RBFOX3: variants seen among roughly 807,000 people sequenced by gnomAD.
RBFOX3 encodes the protein RNA binding fox-1 homolog 3.
A neutral mutation model predicts 48.7 loss-of-function variants in RBFOX3; 17 were observed. That is an observed-to-expected ratio of 0.35 (90% CI 0.24 to 0.52). The LOEUF (loss-of-function observed/expected upper bound fraction) is 0.52. Ranked by LOEUF, RBFOX3 falls within the 20% of genes least tolerant of loss-of-function variation. The probability of loss-of-function intolerance (pLI) is 0.94; values close to 1 mark genes in which losing one functional copy is unlikely to be tolerated. For synonymous variants in RBFOX3, 212 were observed against 209.5 expected, an observed-to-expected ratio of 1.01 and a Z score of -0.10; for missense variants, 382 against 497.5, an observed-to-expected ratio of 0.77 and a Z score of 2.21.
intron 1 of RBFOX3, among the ~76,000 whole-genome samples, chr17:79,551,918 CTTTAG>C (rs1206392251): frequency 6.6e-6 from 1 of 152,148 alleles, no homozygotes. Flanking sequence ...TCGAGTATTC[CTTTAG>C]AGCAATGCAA....
At chr17:79,522,085 G>A (rs1310321271) in intron 1 of RBFOX3, among the ~76,000 whole-genome samples, 22 of 152,146 alleles carry the variant, frequency 1.4e-4, no homozygotes, top group Admixed American at 1.2e-3. Context: ...GGAAAAACTC[G>A]GGCAACTGGA....
intron 1 of RBFOX3, among the ~76,000 whole-genome samples, chr17:79,546,627 A>G (rs1305993060): frequency 6.8e-6 from 1 of 146,550 alleles, no homozygotes; most frequent in Non-Finnish European, 1.5e-5. Flanking sequence ...GTTCCCTCCC[A>G]TTCCCATCCG....
Position 79,106,686 on chromosome 17 carries a change from G to T in RBFOX3, c.325C>A (p.Arg109=). 1 of 1,488,638 alleles carries T rather than the reference G, an allele frequency of 6.7e-7. No homozygotes were observed. Among genetic ancestry groups the T allele is most frequent in the Non-Finnish European group, 8.9e-7 (1 of 1,123,764 alleles). The allele number at this position is 1,488,638 out of a possible 1,614,324, so 92.2% of individuals were successfully genotyped here. A position where few individuals can be genotyped will look rare whatever the true frequency, so the allele number is the denominator to read the frequency against. ...KRLHVSNIPF[R]FRDPDLRQMF... is the part of the protein sequence containing the mutation. Reference sequence around the variant, plus strand: ...TGCCGCAAGTCGGGGTCCCTGAACCGGAAGGGGATGTTGGAGACGTGTAGC... The same window carrying T: ...TGCCGCAAGTCGGGGTCCCTGAACCTGAAGGGGATGTTGGAGACGTGTAGC... The change falls in exon 6 of 15, where the codon CGG becomes AGG. Residue 109 remains arginine (R), a synonymous_variant. Transcript: ENST00000693108.
intron 4 of RBFOX3, among the ~76,000 whole-genome samples, chr17:79,130,694 G>A (rs530992428): frequency 1.3e-5 from 2 of 152,366 alleles, no homozygotes; most frequent in South Asian, 4.1e-4. Flanking sequence ...CCAGGCCCCG[G>A]TGGGGACAAG....
At chr17:79,305,985 G>A (rs1004907916) in intron 3 of RBFOX3, among the ~76,000 whole-genome samples, 2 of 152,254 alleles carry the variant, frequency 1.3e-5, no homozygotes, top group Admixed American at 1.3e-4. Flanking sequence ...GTCACTGGCT[G>A]CCCTGCTAGA....
At chr17:79,340,317 CAAAAA>C (rs1297899289) in intron 2 of RBFOX3, among the ~76,000 whole-genome samples, 3 of 143,294 alleles carry the variant, frequency 2.1e-5, no homozygotes, top group Non-Finnish European at 4.6e-5. Flanking sequence ...AAACAAAAAA[CAAAAA>C]CAAAACTCTC....
chr17:79,286,172 C>T (rs538618387), intron 3 of RBFOX3, among the ~76,000 whole-genome samples: 12 of 152,324 alleles, frequency 7.9e-5, no homozygotes, highest in African/African-American at 2.9e-4. Context: ...TGTGAGGACC[C>T]TCTGACGTCA....
At chr17:79,131,705 G>T (rs75374034) in intron 4 of RBFOX3, among the ~76,000 whole-genome samples, 1 of 152,318 alleles carries the variant, frequency 6.6e-6, no homozygotes, top group African/African-American at 2.4e-5. Flanking sequence ...ATTATTGGAA[G>T]AAGGGGTCAG....
intron 2 of RBFOX3, among the ~76,000 whole-genome samples, chr17:79,308,539 T>A (rs2076387580): frequency 6.6e-6 from 1 of 152,154 alleles, no homozygotes; most frequent in African/African-American, 2.4e-5. Context: ...AGCGGCTCAC[T>A]CTGCCGATCT....
In RBFOX3 at chr17:79,381,217, G is replaced by A. The variant is rs567398563; in HGVS notation, c.-174-73393C>T. 4.6e-5 allele frequency among the ~76,000 whole-genome samples: 7 copies of A among 151,094 alleles called. No individual in the cohort carries two copies. The South Asian group carries it at 1.0e-3, about 22-fold the overall frequency. The stretch of plus-strand genomic sequence containing the variant: ...GGAGGTTGCAATGAGCCAAGATCCC[G>A]CCACTGCATTCCAGCCTGGATGACA... On this transcript the variant is annotated intron_variant, in intron 2 of 14. Transcript: ENST00000693108.
At chr17:79,113,750 AC>A (rs1309938327) in intron 5 of RBFOX3, among the ~76,000 whole-genome samples, 1 of 152,126 alleles carries the variant, frequency 6.6e-6, no homozygotes, top group Non-Finnish European at 1.5e-5. Flanking sequence ...TCTGTTTCTG[AC>A]TTTCCTGTCC....
chr17:79,348,063 C>T (rs2083201469), intron 2 of RBFOX3, among the ~76,000 whole-genome samples: 1 of 152,174 alleles, frequency 6.6e-6, no homozygotes, highest in South Asian at 2.1e-4. Context: ...CCAAATTCCT[C>T]CTTAGATCAG....
intron 4 of RBFOX3, among the ~76,000 whole-genome samples, chr17:79,196,278 T>C (rs2146641933): frequency 6.6e-6 from 1 of 152,190 alleles, no homozygotes; most frequent in Non-Finnish European, 1.5e-5. Context: ...CCACAGCTGT[T>C]TCTCACACCC....
At chr17:79,415,746 T>C (rs1043328921) in intron 2 of RBFOX3, among the ~76,000 whole-genome samples, 1 of 152,060 alleles carries the variant, frequency 6.6e-6, no homozygotes, top group Non-Finnish European at 1.5e-5. Flanking sequence ...TAGGTGAAAC[T>C]CTTCTTTCAT....
intron 1 of RBFOX3, among the ~76,000 whole-genome samples, chr17:79,511,438 A>C (rs1347813400): frequency 6.6e-6 from 1 of 152,050 alleles, no homozygotes; most frequent in Non-Finnish European, 1.5e-5. Flanking sequence ...GCAGAGGAGG[A>C]GTCGTGGAAA....
rs561967261 is a variant in RBFOX3 at position 79,125,374 on chromosome 17, A to C, written c.-33-9626T>G. Among the ~76,000 whole-genome samples, 104 of 152,306 alleles carry C rather than the reference A, an allele frequency of 6.8e-4. 1 individual carries two copies. The highest frequency in any genetic ancestry group is 2.4e-3 in the African/African-American group (98 of 41,564). On this transcript the variant is annotated intron_variant, in intron 4 of 14. Coordinates refer to ENST00000693108, the MANE Select transcript of RBFOX3 (RefSeq NM_001350451.2). ...GACAATGACTCATCTGCCTGGAGGC[A>C]GGGCCGGGCAGAAGCACCCTCCATC... is the stretch of plus-strand genomic sequence containing the variant.
At chr17:79,160,516 C>T (rs937017317) in intron 4 of RBFOX3, among the ~76,000 whole-genome samples, 24 of 152,216 alleles carry the variant, frequency 1.6e-4, no homozygotes, top group African/African-American at 5.5e-4. Context: ...GTCCCTCCTG[C>T]TGTATATCCA....
At chr17:79,641,455 T>A in the RBFOX3 span, among the ~76,000 whole-genome samples, 1 of 152,146 alleles carries the variant, frequency 6.6e-6, no homozygotes, top group Admixed American at 6.5e-5. Flanking sequence ...AGGTATATAT[T>A]CAAAGAAAAT....
intron 4 of RBFOX3, among the ~76,000 whole-genome samples, chr17:79,126,696 G>T (rs1031350272): frequency 2.0e-4 from 30 of 152,172 alleles, no homozygotes; most frequent in Non-Finnish European, 2.9e-5. Context: ...TTCAGTTCTA[G>T]AATCTTAGAA....
Sources: gnomAD v4.1 joint callset for allele counts (sites outside exome capture counted in the v4.1 genomes callset) on GRCh38, gnomAD v4.1.1 for gene constraint, MANE v1.5 for transcripts, NCBI Gene and HGNC (gene_info 2026-07-23, HGNC 2026-07-21) for gene names.